The following HLCS variants were observed in gnomAD, a reference collection of about 807,000 sequenced individuals.
The protein encoded by HLCS is biotin--protein ligase.
A neutral mutation model predicts 75.0 loss-of-function variants in HLCS; 53 were observed. The ratio of observed to expected loss-of-function variants is 0.71; its 90% confidence interval spans 0.57 to 0.89. HLCS has a LOEUF of 0.89. HLCS is among the 40% of genes least tolerant of loss of function. The pLI is 0.00. For synonymous variants in HLCS, 431 were observed against 428.6 expected, an observed-to-expected ratio of 1.01 and a Z score of -0.07; for missense variants, 966 against 1,074.0, an observed-to-expected ratio of 0.90 and a Z score of 1.41.
At chr21:36,881,664 A>T (rs985759733) in intron 6 of HLCS, among the ~76,000 whole-genome samples, 1 of 152,214 alleles carries the variant, frequency 6.6e-6, no homozygotes, top group Non-Finnish European at 1.5e-5. Context: ...AAAAGAAGTA[A>T]TCCAGATGAT....
chr21:36,909,274 G>A (rs2065599820), intron 5 of HLCS, among the ~76,000 whole-genome samples: 1 of 152,220 alleles, frequency 6.6e-6, no homozygotes, highest in Non-Finnish European at 1.5e-5. Flanking sequence ...GTAGTTACAT[G>A]TAAAACATTT....
intron 1 of HLCS, among the ~76,000 whole-genome samples, chr21:36,982,275 A>C (rs1022540383): frequency 3.3e-5 from 5 of 152,218 alleles, no homozygotes; most frequent in African/African-American, 9.6e-5. Context: ...GGTTATCTCC[A>C]GTTTGTTTCC....
intron 6 of HLCS, among the ~76,000 whole-genome samples, chr21:36,827,467 G>C (rs539654925): frequency 6.6e-6 from 1 of 151,482 alleles, no homozygotes; most frequent in Non-Finnish European, 1.5e-5. Flanking sequence ...CCAGCTACTC[G>C]GGAGGCTGAG....
chr21:36,924,974 A>C (rs1257059521), intron 5 of HLCS, among the ~76,000 whole-genome samples: 1 of 152,108 alleles, frequency 6.6e-6, no homozygotes, highest in Non-Finnish European at 1.5e-5. Context: ...AATATATACA[A>C]TTTAAAAAAA....
At chr21:36,859,483 A>T (rs1425971090) in intron 6 of HLCS, among the ~76,000 whole-genome samples, 1 of 152,042 alleles carries the variant, frequency 6.6e-6, no homozygotes, top group Non-Finnish European at 1.5e-5. Context: ...CTCCACTGGG[A>T]CCCCCACAGG....
chr21:36,759,592 C>A, intron 9 of HLCS, 135 bp downstream of exon 9: 1 of 681,392 alleles, frequency 1.5e-6, no homozygotes. Flanking sequence ...CATCTATACC[C>A]TGCTCCAAAA....
chr21:36,849,033 G>A (rs2835493), intron 6 of HLCS, among the ~76,000 whole-genome samples: 73,766 of 152,046 alleles, frequency 0.49, 20,897 homozygotes, highest in African/African-American at 0.79. Context: ...AAAATCCCCT[G>A]TGAAGACAAT....
chr21:36,898,556 G>A (rs189089976), intron 5 of HLCS, among the ~76,000 whole-genome samples: 29 of 152,030 alleles, frequency 1.9e-4, no homozygotes, highest in Non-Finnish European at 1.5e-4. Context: ...TCAATGTCAC[G>A]GTGGAGATGG....
At chr21:36,801,376 C>T (rs1277910715) in intron 6 of HLCS, among the ~76,000 whole-genome samples, 1 of 152,156 alleles carries the variant, frequency 6.6e-6, no homozygotes, top group African/African-American at 2.4e-5. Flanking sequence ...ATCATCTGTG[C>T]CACATTCTAT....
chr21:36,966,619 T>C lies in HLCS; in HGVS notation c.20A>G (p.Tyr7Cys), dbSNP rs1189359599. Residue 7 changes from tyrosine to cysteine, a missense_variant, in exon 1 of 11, where the codon TAC becomes TGC. Tyr to Cys is a radical substitution (Grantham distance 194). Coordinates refer to ENST00000674895, the MANE Select transcript of HLCS (RefSeq NM_001352514.2). The part of the protein sequence containing the change: MLITLC[Y>C]LYLWARWGRR... The stretch of plus-strand genomic sequence containing the variant: ...ACCCCAGCGCGCCCACAGGTACAGG[T>C]AGCACAGCGTGATGAGCATGGCCGC... 4.1e-6 allele frequency: 4 copies of C among 983,050 alleles called. No homozygotes were observed. The highest frequency in any genetic ancestry group is 4.8e-6 in the Non-Finnish European group (4 of 829,760). The allele number at this position is 983,050 out of a possible 1,614,324, so 60.9% of individuals were successfully genotyped here.
chr21:36,756,852 T>C (rs1461821783), intron 9 of HLCS, 97 bp from the exon 10 acceptor site: 22 of 1,597,024 alleles, frequency 1.4e-5, no homozygotes, highest in Non-Finnish European at 1.8e-5. Context: ...ACTGTCAACT[T>C]CCTCCTTCCT....
intron 1 of HLCS, among the ~76,000 whole-genome samples, chr21:36,981,290 A>G (rs552707580): frequency 3.8e-4 from 58 of 151,394 alleles, no homozygotes; most frequent in African/African-American, 1.3e-3. Context: ...GGTGCAATGT[A>G]TGGGCTTAAC....
chr21:36,876,720 T>C lies in HLCS; in HGVS notation c.1892+20140A>G, dbSNP rs188032851. On this transcript the variant is annotated intron_variant, in intron 6 of 10. Transcript: ENST00000674895. Reference sequence around the variant, plus strand: ...CCAAGCACACTTGAAACAAGGTGAGTTTGGCAAGGTATAGTGTTCTGGAAG... The same window carrying C: ...CCAAGCACACTTGAAACAAGGTGAGCTTGGCAAGGTATAGTGTTCTGGAAG... 3.3e-3 allele frequency among the ~76,000 whole-genome samples: 498 copies of C among 152,188 alleles called. 3 individuals are homozygous for C. The highest frequency in any genetic ancestry group is 0.012 in the African/African-American group (481 of 41,500).
intron 2 of HLCS, among the ~76,000 whole-genome samples, chr21:36,954,302 A>AAAAAT (rs1346979147): frequency 8.6e-5 from 13 of 151,032 alleles, no homozygotes; most frequent in South Asian, 2.1e-4. Context: ...ATTCCATCTC[A>AAAAAT]AAAATAAAAT....
chr21:36,978,233 T>C (rs2843627), intron 1 of HLCS, among the ~76,000 whole-genome samples: 151,911 of 152,236 alleles, frequency 1, 75,805 homozygotes, highest in Middle Eastern at 1. Context: ...CGGTGGTTCA[T>C]GCCTGTAATC....
intron 6 of HLCS, among the ~76,000 whole-genome samples, chr21:36,895,563 A>C (rs1181254971): frequency 6.6e-6 from 1 of 152,172 alleles, no homozygotes; most frequent in Non-Finnish European, 1.5e-5. Flanking sequence ...TAATCCTCCC[A>C]AACAACTCTG....
chr21:36,941,076 G>A (rs2067120459), intron 2 of HLCS, among the ~76,000 whole-genome samples: 1 of 152,218 alleles, frequency 6.6e-6, no homozygotes, highest in African/African-American at 2.4e-5. Context: ...GCCAGGCGTT[G>A]TTGTGGGTGC....
At chr21:36,881,923 A>C (rs930523511) in intron 6 of HLCS, among the ~76,000 whole-genome samples, 2 of 152,110 alleles carry the variant, frequency 1.3e-5, no homozygotes, top group African/African-American at 4.8e-5. Context: ...GGATCACTTG[A>C]ATCTGGGAAG....
intron 5 of HLCS, among the ~76,000 whole-genome samples, chr21:36,910,799 C>T (rs1377331698): frequency 6.6e-6 from 1 of 152,170 alleles, no homozygotes; most frequent in Admixed American, 6.5e-5. Context: ...CTAACCAACC[C>T]CTGCCTGACC....
Sources: allele counts gnomAD v4.1 joint callset (sites outside exome capture counted in the v4.1 genomes callset), GRCh38; gene constraint gnomAD v4.1.1; transcripts MANE v1.5; gene names NCBI Gene and HGNC (gene_info 2026-07-23, HGNC 2026-07-21).